Variants in DPYD observed in about 807,000 individuals in gnomAD.
The protein encoded by DPYD is dihydropyrimidine dehydrogenase [NADP(+)].
A neutral mutation model predicts 116.2 loss-of-function variants in DPYD; 109 were observed. The ratio of observed to expected loss-of-function variants is 0.94; its 90% CI spans 0.80 to 1.10. The LOEUF (loss-of-function observed/expected upper bound fraction) is 1.10. Ranked by LOEUF, DPYD falls within the 50% of genes least tolerant of loss-of-function variation. The pLI is 0.00. For missense variants in DPYD, 1,302 were observed against 1,254.5 expected (o/e 1.04, Z -0.57); for synonymous variants, 440 against 432.0 (o/e 1.02, Z -0.23).
At chr1:97,896,091 G>A (rs1673051002) in intron 1 of DPYD, among the ~76,000 whole-genome samples, 2 of 151,550 alleles carry the variant, frequency 1.3e-5, no homozygotes, top group Admixed American at 6.6e-5. Flanking sequence ...TCTTTTTTGG[G>A]TCCCTAGGAT....
intron 14 of DPYD, among the ~76,000 whole-genome samples, chr1:97,435,855 G>A (rs1256227789): frequency 6.6e-6 from 1 of 151,366 alleles, no homozygotes; most frequent in Non-Finnish European, 1.5e-5. Flanking sequence ...AGGAAGCTGG[G>A]GGAGAAAAAA....
In DPYD at chr1:97,098,500, G is replaced by A; in HGVS notation, c.2755C>T (p.Pro919Ser). The A allele has an allele frequency of 6.2e-7, 1 of 1,612,782 alleles. No homozygotes were observed. Among genetic ancestry groups the A allele is most frequent in the African/African-American group, 1.3e-5 (1 of 74,944 alleles). ...GGCATAATTTTTACCTTGATGGTAGGAATAGGCCTTTTGGGGATAAAACAG... is the reference window on the plus strand; with the variant it reads ...GGCATAATTTTTACCTTGATGGTAGAAATAGGCCTTTTGGGGATAAAACAG... ...RNCFIPKRPI[P>S]TIKDVIGKAL... Residue 919 changes from proline to serine, a missense_variant, in exon 21 of 23, where the codon CCT (proline) becomes TCT (serine). Transcript: ENST00000370192.
At chr1:97,666,729 G>A (rs1659583193) in intron 8 of DPYD, among the ~76,000 whole-genome samples, 1 of 152,060 alleles carries the variant, frequency 6.6e-6, no homozygotes, top group Non-Finnish European at 1.5e-5. Context: ...ACCATGGGGG[G>A]TTTCACAAAA....
chr1:97,396,338 GA>G (rs887294439), intron 14 of DPYD, among the ~76,000 whole-genome samples: 2 of 120,488 alleles, frequency 1.7e-5, no homozygotes, highest in Admixed American at 9.4e-5. Context: ...TACTTTGAAT[GA>G]TTTTTTTGTG....
chr1:97,180,392 A>G (rs1257073348), intron 20 of DPYD, among the ~76,000 whole-genome samples: 1 of 152,178 alleles, frequency 6.6e-6, no homozygotes, highest in Non-Finnish European at 1.5e-5. Flanking sequence ...TATCAGGGGC[A>G]TAGCTCAAAA....
chr1:97,743,654 C>T (rs542834440), intron 3 of DPYD, among the ~76,000 whole-genome samples: 1 of 152,164 alleles, frequency 6.6e-6, no homozygotes, highest in East Asian at 1.9e-4. Flanking sequence ...AGCAGAAATG[C>T]ATGTCAGAAT....
chr1:97,101,332 A>G (rs1650665665), intron 20 of DPYD, among the ~76,000 whole-genome samples: 1 of 151,988 alleles, frequency 6.6e-6, no homozygotes, highest in Non-Finnish European at 1.5e-5. Context: ...AGTGGTCCTA[A>G]GGCTATTTAA....
rs148280513 is a variant in DPYD, at chr1:97,341,532, C to T, written c.2058+32029G>A. Among the ~76,000 whole-genome samples, 370 of 152,112 alleles carry T rather than the reference C, an allele frequency of 2.4e-3. 2 individuals are homozygous for T. The highest frequency in any genetic ancestry group is 8.6e-3 in the African/African-American group (355 of 41,500). ...GTTCTTTTACTGAACAGAGACCACA[C>T]CATTAAAGAGGAACATTTTGAGTTC... On this transcript the variant is annotated intron_variant, in intron 16 of 22. Coordinates refer to ENST00000370192, the MANE Select transcript of DPYD (RefSeq NM_000110.4).
chr1:97,080,096 G>A (rs537639998), intron 22 of DPYD, among the ~76,000 whole-genome samples: 3 of 152,116 alleles, frequency 2.0e-5, no homozygotes, highest in South Asian at 2.1e-4. Context: ...GGGCAGCTAC[G>A]TAGGGGTGGA....
intron 3 of DPYD, among the ~76,000 whole-genome samples, chr1:97,794,092 T>G (rs1667452988): frequency 6.6e-6 from 1 of 152,014 alleles, no homozygotes; most frequent in African/African-American, 2.4e-5. Context: ...CATGCGCCAC[T>G]ATGCCCAGCT....
chr1:97,703,969 G>A (rs1012897869), intron 5 of DPYD, among the ~76,000 whole-genome samples: 7 of 151,880 alleles, frequency 4.6e-5, no homozygotes, highest in African/African-American at 1.7e-4. Context: ...GCACACTATT[G>A]CACCTCGGCA....
At position 97,709,729 on chromosome 1, in the gene DPYD, C is replaced by T. The variant is rs1017242839; in HGVS notation, c.484-10182G>A. 1.1e-3 allele frequency among the ~76,000 whole-genome samples: 167 copies of T among 151,602 alleles called. 1 individual carries two copies. The highest frequency in any genetic ancestry group is 1.2e-4 in the Non-Finnish European group (8 of 67,778). On this transcript the variant is annotated intron_variant, in intron 5 of 22. Transcript: ENST00000370192. ...AATTTTCTAATCATTATATAGTGTT[C>T]TATAAATGAAAAAAGACAAAGCATT...
intron 20 of DPYD, among the ~76,000 whole-genome samples, chr1:97,142,157 A>G (rs1319089679): frequency 1.3e-5 from 2 of 152,214 alleles, no homozygotes; most frequent in African/African-American, 2.4e-5. Flanking sequence ...ATTAAAATAA[A>G]TTAACAGAAT....
intron 8 of DPYD, among the ~76,000 whole-genome samples, chr1:97,628,947 T>C (rs1657096455): frequency 6.6e-6 from 1 of 152,038 alleles, no homozygotes; most frequent in Admixed American, 6.6e-5. Flanking sequence ...CTCTACATGC[T>C]AAATAAAAGA....
At chr1:97,465,842 C>T (rs1477548103) in intron 13 of DPYD, among the ~76,000 whole-genome samples, 1 of 152,198 alleles carries the variant, frequency 6.6e-6, no homozygotes, top group African/African-American at 2.4e-5. Context: ...CCTACTGAGG[C>T]TGTGTCATGG....
At chr1:97,233,245 C>G (rs1284089133) in intron 19 of DPYD, among the ~76,000 whole-genome samples, 1 of 152,144 alleles carries the variant, frequency 6.6e-6, no homozygotes, top group African/African-American at 2.4e-5. Context: ...CTTGTTGCTG[C>G]TCCCTACTTG....
chr1:97,895,313 C>A (rs544318026), intron 1 of DPYD, among the ~76,000 whole-genome samples: 2 of 151,762 alleles, frequency 1.3e-5, no homozygotes, highest in Admixed American at 6.6e-5. Context: ...TAAGTGTATA[C>A]CAGCATGCTA....
At chr1:97,482,353 C>T (rs1191686392) in intron 13 of DPYD, among the ~76,000 whole-genome samples, 1 of 152,154 alleles carries the variant, frequency 6.6e-6, no homozygotes, top group East Asian at 1.9e-4. Flanking sequence ...ATCATAAACA[C>T]CTGTATTTTT....
chr1:97,438,717 T>A (rs1396106395), intron 14 of DPYD, among the ~76,000 whole-genome samples: 12 of 152,012 alleles, frequency 7.9e-5, no homozygotes, highest in African/African-American at 2.6e-4. Flanking sequence ...AAAAAAAAAA[T>A]ACAATCTAAA....
Sources: allele counts gnomAD v4.1 joint callset (sites outside exome capture counted in the v4.1 genomes callset), GRCh38; gene constraint gnomAD v4.1.1; transcripts MANE v1.5; gene names NCBI Gene and HGNC (gene_info 2026-07-23, HGNC 2026-07-21).